The following TMEM156 variants were observed in gnomAD, a reference collection of about 807,000 sequenced individuals.
TMEM156 encodes transmembrane protein 156.
A neutral mutation model predicts 30.5 loss-of-function variants in TMEM156; 28 were observed. The ratio of observed to expected loss-of-function variants is 0.92; its 90% CI spans 0.68 to 1.26. The LOEUF is 1.26. Ranked by LOEUF, TMEM156 falls within the 50% of genes most tolerant of loss-of-function variation. TMEM156 has a pLI of 0.00. For missense variants in TMEM156, 351 were observed against 340.6 expected, an observed-to-expected ratio of 1.03 and a Z score of -0.24; for synonymous variants, 137 against 119.9, an observed-to-expected ratio of 1.14 and a Z score of -0.93.
At position 39,019,271 on chromosome 4, in the gene TMEM156, T is replaced by C. The variant is rs151086981; in HGVS notation, c.88+12955A>G. On this transcript the variant is annotated intron_variant, in intron 1 of 6. Transcript: ENST00000381938. ...TCCATGTCTCTTAACTTCTGTGCTA[T>C]GTTCTAGGTAATTTCTTTAGATCTC... Among the ~76,000 whole-genome samples, 145 of 152,354 alleles carry C rather than the reference T, an allele frequency of 9.5e-4. 3 individuals carry two copies. In the East Asian group the frequency reaches 0.025, roughly 27 times the overall value.
At chr4:39,006,897 C>G (rs919378971) in intron 1 of TMEM156, among the ~76,000 whole-genome samples, 3 of 152,146 alleles carry the variant, frequency 2.0e-5, no homozygotes, top group Non-Finnish European at 4.4e-5. Flanking sequence ...GAGCCATGAT[C>G]ATACCACTGC....
intron 3 of TMEM156, among the ~76,000 whole-genome samples, chr4:38,993,511 G>A (rs1023771273): frequency 1.2e-4 from 18 of 152,056 alleles, no homozygotes; most frequent in African/African-American, 3.6e-4. Flanking sequence ...TCCTCAAATC[G>A]TGACCCATAA....
chr4:38,995,866 A>G (rs1343005929), intron 2 of TMEM156, among the ~76,000 whole-genome samples: 1 of 152,242 alleles, frequency 6.6e-6, no homozygotes, highest in African/African-American at 2.4e-5. Flanking sequence ...CAGAACACTC[A>G]TACTGGAGCC....
chr4:38,971,012 A>G lies in TMEM156; in HGVS notation c.*38+20T>C. The G allele has an allele frequency of 6.7e-7, 1 of 1,482,650 alleles. No homozygotes were observed. Among genetic ancestry groups the G allele is most frequent in the Non-Finnish European group, 9.4e-7 (1 of 1,067,588 alleles). 91.8% of individuals were successfully genotyped at this position (1,482,650 alleles called of 1,614,324 possible). On this transcript the variant is annotated intron_variant, in intron 6 of 6. Transcript: ENST00000381938. Reference sequence around the variant, plus strand: ...CTGTGTTTATAATGAAGAAGTCGATAAAGCCGAATCATCACTCACCGTGTA... The same window carrying G: ...CTGTGTTTATAATGAAGAAGTCGATGAAGCCGAATCATCACTCACCGTGTA...
intron 5 of TMEM156, among the ~76,000 whole-genome samples, chr4:38,977,513 A>G (rs898616082): frequency 6.6e-6 from 1 of 152,238 alleles, no homozygotes; most frequent in Non-Finnish European, 1.5e-5. Flanking sequence ...GCAAAAAGGT[A>G]GGATATATGT....
chr4:39,027,758 C>CTT (rs112766367), intron 1 of TMEM156, among the ~76,000 whole-genome samples: 50,341 of 120,156 alleles, frequency 0.42, 10,054 homozygotes, highest in Admixed American at 0.5. Context: ...TTTTCTTTTT[C>CTT]TTTTTTTTTT....
intron 6 of TMEM156, among the ~76,000 whole-genome samples, chr4:38,968,504 G>A (rs894427901): frequency 6.6e-6 from 1 of 152,074 alleles, no homozygotes; most frequent in Non-Finnish European, 1.5e-5. Context: ...CCAATGAGTA[G>A]GATTCTCAAC....
chr4:39,007,152 C>A (rs2110008482), intron 1 of TMEM156, among the ~76,000 whole-genome samples: 1 of 152,152 alleles, frequency 6.6e-6, no homozygotes, highest in Non-Finnish European at 1.5e-5. Context: ...TCCTTTAGTC[C>A]ATTTTTCCAT....
intron 2 of TMEM156, among the ~76,000 whole-genome samples, chr4:38,998,101 A>G (rs891110568): frequency 6.6e-6 from 1 of 152,218 alleles, no homozygotes; most frequent in Non-Finnish European, 1.5e-5. Flanking sequence ...CATCATGTGT[A>G]TATGAATTAC....
intron 1 of TMEM156, among the ~76,000 whole-genome samples, chr4:39,028,105 C>G (rs1403678588): frequency 6.6e-6 from 1 of 152,070 alleles, no homozygotes; most frequent in East Asian, 1.9e-4. Flanking sequence ...TCAGGCTGGT[C>G]TCAAACTCCT....
intron 1 of TMEM156, among the ~76,000 whole-genome samples, chr4:39,018,745 G>A (rs985463732): frequency 6.6e-6 from 1 of 152,102 alleles, no homozygotes; most frequent in Non-Finnish European, 1.5e-5. Context: ...TCTTGGCCGG[G>A]CACGATGGCT....
Position 38,992,409 on chromosome 4 carries a change from G to A in TMEM156, c.619+1329C>T, listed in dbSNP as rs150184701. On this transcript the variant is annotated intron_variant, in intron 3 of 6. Transcript: ENST00000381938. Reference sequence around the variant, plus strand: ...GTGAAGTAGGGCATACTGCTTAGTAGAAAGGAATAATTGTGGTATTTCAGA... The same window carrying A: ...GTGAAGTAGGGCATACTGCTTAGTAAAAAGGAATAATTGTGGTATTTCAGA... 5.3e-5 allele frequency among the ~76,000 whole-genome samples: 8 copies of A among 152,070 alleles called. No homozygotes were observed. In the East Asian group the frequency reaches 1.5e-3, roughly 29 times the overall value.
intron 2 of TMEM156, among the ~76,000 whole-genome samples, chr4:38,994,811 G>A (rs1223320357): frequency 1.3e-5 from 2 of 152,110 alleles, no homozygotes; most frequent in Admixed American, 1.3e-4. Flanking sequence ...AGCCAGGCGT[G>A]GTGATGTGTG....
At chr4:38,985,862 T>G (rs144961360) in intron 5 of TMEM156, among the ~76,000 whole-genome samples, 34 of 152,332 alleles carry the variant, frequency 2.2e-4, no homozygotes, top group Admixed American at 6.5e-4. Flanking sequence ...ACTGCTCTAA[T>G]TAGAATTCCC....
At chr4:38,998,566 A>G (rs1352052345) in intron 2 of TMEM156, 74 bp downstream of exon 2, 1 of 1,320,894 alleles carries the variant, frequency 7.6e-7, no homozygotes, top group Non-Finnish European at 1.0e-6. Context: ...AGAATATATT[A>G]TTAATACGTT....
chr4:39,017,150 C>T (rs1179724848), intron 1 of TMEM156, among the ~76,000 whole-genome samples: 1 of 148,624 alleles, frequency 6.7e-6, no homozygotes, highest in Non-Finnish European at 1.5e-5. Flanking sequence ...ACTGCCAAAC[C>T]ATATCAAGTA....
chr4:38,985,736 T>C (rs931729829), intron 5 of TMEM156, among the ~76,000 whole-genome samples: 31 of 152,230 alleles, frequency 2.0e-4, no homozygotes, highest in Admixed American at 1.8e-3. Flanking sequence ...GCTTCGTCCA[T>C]GTCACATTCT....
At chr4:38,988,105 T>A (rs1465262377) in intron 4 of TMEM156, among the ~76,000 whole-genome samples, 1 of 152,104 alleles carries the variant, frequency 6.6e-6, no homozygotes, top group Admixed American at 6.5e-5. Flanking sequence ...CTGTCCTGAT[T>A]CCTAATTTCT....
chr4:38,988,970 T>C lies in TMEM156; in HGVS notation c.620A>G (p.Asn207Ser), dbSNP rs1212266641. The C allele has an allele frequency of 5.0e-6, 8 of 1,609,342 alleles. No homozygotes were observed. Among genetic ancestry groups the C allele is most frequent in the African/African-American group, 1.3e-5 (1 of 74,676 alleles). Residue 207 changes from asparagine (N) to serine (S), a missense_variant and splice_region_variant, in exon 4 of 7, where the codon AAT becomes AGT. Physicochemically the swap from Asn to Ser is conservative, Grantham distance 46. Coordinates refer to ENST00000381938, the MANE Select transcript of TMEM156 (RefSeq NM_024943.3). ...AGTGATCTTCATGGAACAAGTGATA[T>C]CTGTAAAGAAAACAAATACTGTAAA... Reference protein sequence around the residue: ...ISLHLEMDIKNITCSMKITWY... With the variant: ...ISLHLEMDIKSITCSMKITWY...
Sources: gnomAD v4.1 joint callset for allele counts (sites outside exome capture counted in the v4.1 genomes callset) on GRCh38, gnomAD v4.1.1 for gene constraint, MANE v1.5 for transcripts, NCBI Gene and HGNC (gene_info 2026-07-23, HGNC 2026-07-21) for gene names.